ZDHHC20: variants seen among roughly 807,000 people sequenced by gnomAD.
ZDHHC20 encodes the protein palmitoyltransferase ZDHHC20.
Under a neutral mutation model 57.8 loss-of-function variants are expected in ZDHHC20, and 43 were observed. The ratio of observed to expected loss-of-function variants is 0.74; its 90% CI spans 0.58 to 0.96. The LOEUF (loss-of-function observed/expected upper bound fraction) is 0.96. ZDHHC20 is among the 40% of genes least tolerant of loss of function. The pLI is 0.00. For synonymous variants in ZDHHC20, 157 were observed against 153.0 expected (o/e 1.03, Z -0.19); for missense variants, 391 against 441.1 (o/e 0.89, Z 1.02).
At chr13:21,385,639 C>A (rs1192090452) in intron 9 of ZDHHC20, among the ~76,000 whole-genome samples, 1 of 151,778 alleles carries the variant, frequency 6.6e-6, no homozygotes, top group East Asian at 1.9e-4. Flanking sequence ...ATATGTATAC[C>A]CAAGAGTACC....
intron 7 of ZDHHC20, among the ~76,000 whole-genome samples, chr13:21,398,377 T>A (rs905385984): frequency 6.6e-6 from 1 of 150,422 alleles, no homozygotes; most frequent in Non-Finnish European, 1.5e-5. Context: ...GGCAGCAGAA[T>A]GGCATGAACC....
intron 1 of ZDHHC20, among the ~76,000 whole-genome samples, chr13:21,428,910 C>A (rs1304982805): frequency 6.6e-6 from 1 of 151,882 alleles, no homozygotes; most frequent in East Asian, 1.9e-4. Flanking sequence ...ACAAAAAAAC[C>A]CAACAACAAC....
intron 4 of ZDHHC20, 135 bp from the exon 5 acceptor site, chr13:21,403,001 C>G: frequency 1.6e-6 from 1 of 640,022 alleles, no homozygotes; most frequent in Non-Finnish European, 2.7e-6. Context: ...CCAACAATAC[C>G]AAAATGTATT....
intron 4 of ZDHHC20, among the ~76,000 whole-genome samples, chr13:21,410,043 T>C (rs996040276): frequency 1.3e-5 from 2 of 152,238 alleles, no homozygotes; most frequent in Non-Finnish European, 1.5e-5. Context: ...GTCTTTCATG[T>C]TGGTGACCTT....
intron 3 of ZDHHC20, 83 bp downstream of exon 3, chr13:21,420,977 TA>T: frequency 9.3e-7 from 1 of 1,079,206 alleles, no homozygotes; most frequent in Non-Finnish European, 1.4e-6. Flanking sequence ...ATGCATTATG[TA>T]AAGTTTTAAC....
At chr13:21,414,017 G>A (rs1199590928) in intron 3 of ZDHHC20, among the ~76,000 whole-genome samples, 3 of 151,976 alleles carry the variant, frequency 2.0e-5, no homozygotes, top group Admixed American at 6.6e-5. Context: ...TTCCATCTTC[G>A]TTTTTCACAA....
chr13:21,442,498 T>C (rs1338875937), intron 1 of ZDHHC20, among the ~76,000 whole-genome samples: 1 of 152,212 alleles, frequency 6.6e-6, no homozygotes, highest in Non-Finnish European at 1.5e-5. Context: ...CTCATGCCCG[T>C]AATCCCAGCA....
chr13:21,441,620 G>T (rs1364028325), intron 1 of ZDHHC20, among the ~76,000 whole-genome samples: 2 of 131,216 alleles, frequency 1.5e-5, no homozygotes, highest in South Asian at 2.4e-4. Flanking sequence ...AGCCAGGATG[G>T]TCTTGATCTC....
At chr13:21,382,787 T>C (rs1002481825) in intron 10 of ZDHHC20, 133 bp downstream of exon 10, 3 of 706,502 alleles carry the variant, frequency 4.2e-6, no homozygotes, top group Non-Finnish European at 6.7e-6. Context: ...GTTAAAAAAA[T>C]TTAAATTTCT....
At chr13:21,448,055 C>T (rs1308108110) in intron 1 of ZDHHC20, among the ~76,000 whole-genome samples, 3 of 130,126 alleles carry the variant, frequency 2.3e-5, no homozygotes, top group African/African-American at 5.6e-5. Context: ...GCAACCACCC[C>T]GTCTGAAAAG....
intron 7 of ZDHHC20, among the ~76,000 whole-genome samples, chr13:21,398,997 T>G (rs942448989): frequency 3.9e-5 from 6 of 152,186 alleles, no homozygotes; most frequent in African/African-American, 1.4e-4. Flanking sequence ...ATTAATATTA[T>G]CTTGAAATTT....
At chr13:21,418,737 G>A (rs1219600590) in intron 3 of ZDHHC20, among the ~76,000 whole-genome samples, 2 of 152,198 alleles carry the variant, frequency 1.3e-5, no homozygotes. Context: ...GCAGTGGCAT[G>A]ATCACGGCTC....
chr13:21,391,922 A>G, intron 7 of ZDHHC20, 68 bp from the exon 8 acceptor site: 2 of 1,500,148 alleles, frequency 1.3e-6, no homozygotes, highest in Non-Finnish European at 1.8e-6. Flanking sequence ...AGTTCTGTCT[A>G]AAGATTGTTG....
At chr13:21,438,993 C>T (rs541815068) in intron 1 of ZDHHC20, among the ~76,000 whole-genome samples, 1 of 152,296 alleles carries the variant, frequency 6.6e-6, no homozygotes, top group South Asian at 2.1e-4. Context: ...AGACACAATG[C>T]TATTGCACAC....
chr13:21,408,562 G>T (rs1244637411), intron 4 of ZDHHC20, among the ~76,000 whole-genome samples: 1 of 152,010 alleles, frequency 6.6e-6, no homozygotes, highest in Non-Finnish European at 1.5e-5. Flanking sequence ...CATCTGCACA[G>T]ATAATTTGAC....
intron 7 of ZDHHC20, among the ~76,000 whole-genome samples, chr13:21,393,417 C>T (rs1402208943): frequency 6.7e-6 from 1 of 149,984 alleles, no homozygotes; most frequent in Non-Finnish European, 1.5e-5. Flanking sequence ...AGGAGAATCA[C>T]TTAACCCAGA....
rs868276392 is a variant in ZDHHC20, at chr13:21,447,442, G to A, written c.118+11612C>T. On this transcript the variant is annotated intron_variant, in intron 1 of 12. Coordinates refer to ENST00000400590, the MANE Select transcript of ZDHHC20 (RefSeq NM_001330059.2). ...CGAGTGCCTGCGATTGCAGGCACGC[G>A]CCGCCACGCCTGACTGGTTTTGGTG... Among the ~76,000 whole-genome samples the A allele has an allele frequency of 2.8e-3, 409 of 148,026 alleles. 1 individual carries two copies. The highest frequency in any genetic ancestry group is 9.4e-3 in the African/African-American group (384 of 40,720).
At chr13:21,426,395 C>T (rs1881252507) in intron 1 of ZDHHC20, among the ~76,000 whole-genome samples, 1 of 152,124 alleles carries the variant, frequency 6.6e-6, no homozygotes, top group Non-Finnish European at 1.5e-5. Context: ...TTCAGTCCCT[C>T]CCCACTGTCT....
chr13:21,375,350 T>G lies in ZDHHC20; in HGVS notation c.*1346A>C, dbSNP rs111657491. On this transcript the variant is annotated 3_prime_UTR_variant, in exon 13 of 13. Coordinates refer to ENST00000400590, the MANE Select transcript of ZDHHC20 (RefSeq NM_001330059.2). ...AAGCAATCAATTATTTTGGGGGGGG[T>G]GTGTGTGTGTGTGTGTCTGTCTGTC... 2.5e-3 allele frequency: 665 copies of G among 261,950 alleles called. 4 individuals are homozygous for G. The highest frequency in any genetic ancestry group is 0.015 in the East Asian group (134 of 8,782). The allele number at this position is 261,950 out of a possible 1,614,324, so 16.2% of individuals were successfully genotyped here.
Sources: gnomAD v4.1 joint callset for allele counts (sites outside exome capture counted in the v4.1 genomes callset) on GRCh38, gnomAD v4.1.1 for gene constraint, MANE v1.5 for transcripts, NCBI Gene and HGNC (gene_info 2026-07-23, HGNC 2026-07-21) for gene names.